The following DOCK8 variants were observed in gnomAD, a reference collection of about 807,000 sequenced individuals.
The protein encoded by DOCK8 is dedicator of cytokinesis protein 8.
In DOCK8, 141 loss-of-function variants were observed where a neutral mutation model predicts 245.6. That is an observed-to-expected ratio of 0.57 (90% CI 0.50 to 0.66). The LOEUF is 0.66. DOCK8 is among the 30% of genes least tolerant of loss of function. DOCK8 has a pLI of 0.00. For synonymous variants in DOCK8, 1,168 were observed against 970.2 expected, an observed-to-expected ratio of 1.20 and a Z score of -3.79; for missense variants, 2,965 against 2,603.4, an observed-to-expected ratio of 1.14 and a Z score of -3.02.
At chr9:299,012 T>C (rs1303200625) in intron 4 of DOCK8, among the ~76,000 whole-genome samples, 3 of 152,202 alleles carry the variant, frequency 2.0e-5, no homozygotes, top group African/African-American at 7.2e-5. Context: ...TGGTAATTTT[T>C]CCCCCTAAAA....
At position 439,289 on chromosome 9, in the gene DOCK8, C is replaced by T. The variant is rs761266185; in HGVS notation, c.5124C>T (p.Asp1708=). 6.2e-7 allele frequency: 1 copy of T among 1,614,190 alleles called. No homozygotes were observed. The highest frequency in any genetic ancestry group is 8.5e-7 in the Non-Finnish European group (1 of 1,180,036). ...NVLEESVVSE[D]TLSPDEDGVC... is the part of the protein sequence containing the mutation. ...TGGAGGAGTCTGTGGTCTCTGAGGA[C>T]ACCCTGTCACCTGACGAGGATGGGG... The change falls in exon 40 of 48, where the codon GAC becomes GAT. Residue 1708 remains aspartate (D), a synonymous_variant. Transcript: ENST00000432829.
chr9:212,334 A>G (rs1268608488), upstream of DOCK8, among the ~76,000 whole-genome samples: 1 of 152,208 alleles, frequency 6.6e-6, no homozygotes, highest in Non-Finnish European at 1.5e-5. Flanking sequence ...GGTCTGAGAT[A>G]GAAGTCAAGG....
At chr9:218,717 T>C (rs1313340512) in intron 1 of DOCK8, among the ~76,000 whole-genome samples, 4 of 152,128 alleles carry the variant, frequency 2.6e-5, no homozygotes, top group African/African-American at 9.7e-5. Flanking sequence ...TGATCAAATA[T>C]TAAAGTAAAA....
chr9:428,650 C>G lies in DOCK8; in HGVS notation c.4473+154C>G, dbSNP rs77432177. ...GTCTTCCTAGGAAGAAAGCAGATGC[C>G]CTGATTCTGTGGGAAGCCACCATGG... is the stretch of plus-strand genomic sequence containing the variant. On this transcript the variant is annotated intron_variant, in intron 35 of 47. Coordinates refer to ENST00000432829, the MANE Select transcript of DOCK8 (RefSeq NM_203447.4). Among the ~76,000 whole-genome samples the G allele has an allele frequency of 5.6e-4, 85 of 152,228 alleles. 1 individual carries two copies. The East Asian group carries it at 0.015, about 27-fold the overall frequency.
rs796819426 is a variant in DOCK8, at chr9:229,940, C to A, written c.53+14911C>A. Among the ~76,000 whole-genome samples, 14 of 151,418 alleles carry A rather than the reference C, an allele frequency of 9.2e-5. No individual in the cohort carries two copies. The East Asian group carries it at 1.9e-3, about 21-fold the overall frequency. ...TTATTATACTTTAAGTTTTAGGGTA[C>A]ATGTGCACAACATGCAGGTTTGTTA... On this transcript the variant is annotated intron_variant, in intron 1 of 47. Transcript: ENST00000432829.
intron 10 of DOCK8, among the ~76,000 whole-genome samples, chr9:333,451 A>T (rs2051137560): frequency 6.6e-6 from 1 of 152,090 alleles, no homozygotes; most frequent in Non-Finnish European, 1.5e-5. Flanking sequence ...AATACAAAAA[A>T]TTAGCCGGGC....
intron 5 of DOCK8, among the ~76,000 whole-genome samples, chr9:310,535 T>A (rs537603190): frequency 1.4e-4 from 21 of 152,306 alleles, no homozygotes; most frequent in Non-Finnish European, 2.4e-4. Context: ...CTCGGGTCAT[T>A]ACAACCTCCA....
At chr9:375,882 C>T (rs929441541) in intron 18 of DOCK8, among the ~76,000 whole-genome samples, 2 of 151,940 alleles carry the variant, frequency 1.3e-5, no homozygotes, top group African/African-American at 2.4e-5. Context: ...CTGTAGTCCC[C>T]GCTACTCCAG....
chr9:396,344 A>T (rs941909563), intron 24 of DOCK8, among the ~76,000 whole-genome samples: 11 of 152,312 alleles, frequency 7.2e-5, no homozygotes, highest in African/African-American at 2.4e-4. Context: ...CGTTCTCCTT[A>T]CTGTAGTTTC....
intron 41 of DOCK8, 25 bp downstream of exon 41, chr9:441,442 G>T: frequency 6.2e-7 from 1 of 1,614,034 alleles, no homozygotes. Flanking sequence ...TGGCTGGCAG[G>T]TCTTGTTACC....
chr9:400,952 A>ACCACCTCCACCATCACCT lies in DOCK8; in HGVS notation c.3234+1698_3234+1699insTCCACCATCACCTCCACC, dbSNP rs1554692476. Among the ~76,000 whole-genome samples the ACCACCTCCACCATCACCT allele has an allele frequency of 9.0e-4, 61 of 67,480 alleles. 2 individuals carry two copies. The highest frequency in any genetic ancestry group is 2.3e-3 in the African/African-American group (54 of 23,078). The allele number at this position is 67,480 out of a possible 152,430, so 44.3% of individuals were successfully genotyped here. ...CACAACATCCACCACCACCATCACC[A>ACCACCTCCACCATCACCT]CCACCACCACCACCTCCTCCACCAT... On this transcript the variant is annotated intron_variant, in intron 26 of 47. Transcript: ENST00000432829.
At chr9:215,070 C>A (rs556080278) in intron 1 of DOCK8, 41 bp downstream of exon 1, 31 of 1,545,744 alleles carry the variant, frequency 2.0e-5, no homozygotes, top group Non-Finnish European at 2.2e-5. Flanking sequence ...GGCCGGACAG[C>A]CCAGCGCTGG....
intron 1 of DOCK8, among the ~76,000 whole-genome samples, chr9:231,802 A>G (rs2047124045): frequency 6.6e-6 from 1 of 152,156 alleles, no homozygotes; most frequent in Admixed American, 6.5e-5. Context: ...TTTTGGGCTG[A>G]GACAATGGGG....
upstream of DOCK8, among the ~76,000 whole-genome samples, chr9:212,120 TG>T (rs923838795): frequency 2.0e-5 from 3 of 152,060 alleles, no homozygotes; most frequent in African/African-American, 4.8e-5. Flanking sequence ...GAGGTATGTG[TG>T]GGGGGGTTAA....
Position 312,182 on chromosome 9 carries a change from T to A in DOCK8, c.741+16T>A, listed in dbSNP as rs746933009. The A allele has an allele frequency of 1.2e-6, 2 of 1,613,448 alleles. No individual in the cohort carries two copies. The highest frequency in any genetic ancestry group is 1.7e-6 in the Non-Finnish European group (2 of 1,179,550). ...AGTGGACGAGGTGGGTGCCACTGTT[T>A]CCATACTGGAGAATCTCAGTGAAGA... On this transcript the variant is annotated intron_variant, in intron 6 of 47. Coordinates refer to ENST00000432829, the MANE Select transcript of DOCK8 (RefSeq NM_203447.4).
chr9:432,384 ATG>A, intron 37 of DOCK8, 60 bp downstream of exon 37: 4 of 1,481,468 alleles, frequency 2.7e-6, no homozygotes, highest in Non-Finnish European at 3.8e-6. Flanking sequence ...ACTATTGTGT[ATG>A]TATGTATGTA....
intron 25 of DOCK8, among the ~76,000 whole-genome samples, chr9:398,833 G>C (rs1029468696): frequency 6.6e-6 from 1 of 151,450 alleles, no homozygotes; most frequent in Non-Finnish European, 1.5e-5. Flanking sequence ...AAGTTACCAG[G>C]ATATAAAAAA....
chr9:412,920 C>T (rs548897207), intron 28 of DOCK8, among the ~76,000 whole-genome samples: 9 of 143,284 alleles, frequency 6.3e-5, no homozygotes, highest in African/African-American at 2.3e-4. Context: ...TCCTAAAATT[C>T]GTGTGGAAAT....
chr9:398,227 A>ATAC (rs2054554235), intron 25 of DOCK8, among the ~76,000 whole-genome samples: 2 of 152,180 alleles, frequency 1.3e-5, no homozygotes, highest in African/African-American at 4.8e-5. Flanking sequence ...TTAGACCCAG[A>ATAC]TACTGAGTCA....
Sources: allele counts gnomAD v4.1 joint callset (sites outside exome capture counted in the v4.1 genomes callset), GRCh38; gene constraint gnomAD v4.1.1; transcripts MANE v1.5; gene names NCBI Gene and HGNC (gene_info 2026-07-23, HGNC 2026-07-21).